RPS6KA2: variants seen among roughly 807,000 people sequenced by gnomAD.
RPS6KA2 encodes ribosomal protein S6 kinase A2.
A neutral mutation model predicts 91.8 loss-of-function variants in RPS6KA2; 42 were observed. The ratio of observed to expected loss-of-function variants is 0.46; its 90% confidence interval spans 0.36 to 0.59. The LOEUF (loss-of-function observed/expected upper bound fraction) is 0.59. Ranked by LOEUF, RPS6KA2 falls within the 20% of genes least tolerant of loss-of-function variation. RPS6KA2 has a pLI of 0.00. For missense variants in RPS6KA2, 798 were observed against 978.5 expected (o/e 0.82, Z 2.46); for synonymous variants, 414 against 393.6 (o/e 1.05, Z -0.61).
At chr6:166,813,745 G>T (rs926364767) in intron 2 of RPS6KA2, among the ~76,000 whole-genome samples, 1 of 152,142 alleles carries the variant, frequency 6.6e-6, no homozygotes, top group African/African-American at 2.4e-5. Context: ...CTCTTCTAAG[G>T]ATGCCAGTCA....
chr6:166,636,739 C>T (rs1203658568), intron 2 of RPS6KA2, among the ~76,000 whole-genome samples: 1 of 152,130 alleles, frequency 6.6e-6, no homozygotes, highest in Non-Finnish European at 1.5e-5. Context: ...CATTGGGGAA[C>T]GAGGCCAGGA....
chr6:166,589,865 C>G (rs1785300996), intron 1 of RPS6KA2, among the ~76,000 whole-genome samples: 1 of 152,158 alleles, frequency 6.6e-6, no homozygotes, highest in Admixed American at 6.5e-5. Flanking sequence ...GTGGCATGAA[C>G]AGAATGGAGA....
In RPS6KA2 at chr6:166,682,134, AAT is replaced by A. The variant is rs1237852422; in HGVS notation, c.124-143352_124-143351del. Among the ~76,000 whole-genome samples the A allele has an allele frequency of 2.0e-5, 3 of 152,216 alleles. No homozygotes were observed. In the East Asian group the frequency reaches 5.8e-4, roughly 29 times the overall value. On this transcript the variant is annotated intron_variant, in intron 2 of 21. Coordinates refer to the RPS6KA2 transcript ENST00000503859. The stretch of plus-strand genomic sequence containing the variant: ...ATTTACCCAAGGAATGTGATGTTGA[AAT>A]ATGTTTCAGAATAAACTTCCGCTTG...
intron 2 of RPS6KA2, among the ~76,000 whole-genome samples, chr6:166,669,551 G>C (rs1349901219): frequency 1.3e-5 from 2 of 152,138 alleles, no homozygotes; most frequent in Non-Finnish European, 2.9e-5. Flanking sequence ...TTGAGTGCTG[G>C]AATTGCACGG....
intron 2 of RPS6KA2, among the ~76,000 whole-genome samples, chr6:166,714,113 G>C (rs1789945581): frequency 6.6e-6 from 1 of 152,194 alleles, no homozygotes; most frequent in South Asian, 2.1e-4. Context: ...ATTCCTTCCT[G>C]TGACTTCGAG....
At chr6:166,823,986 A>G (rs879260134) in intron 2 of RPS6KA2, among the ~76,000 whole-genome samples, 3 of 152,162 alleles carry the variant, frequency 2.0e-5, no homozygotes, top group Non-Finnish European at 2.9e-5. Context: ...TCAAAAGTTT[A>G]TGCTCTCCAT....
intron 2 of RPS6KA2, among the ~76,000 whole-genome samples, chr6:166,669,850 T>G (rs935410151): frequency 1.3e-5 from 2 of 152,218 alleles, no homozygotes; most frequent in African/African-American, 2.4e-5. Context: ...GGCCAGGGCC[T>G]ATGGGGAGAC....
At chr6:166,628,152 C>A (rs1046229486), upstream of RPS6KA2, among the ~76,000 whole-genome samples, 2 of 152,238 alleles carry the variant, frequency 1.3e-5, no homozygotes, top group Non-Finnish European at 2.9e-5. Flanking sequence ...AGGGCAAGGC[C>A]CTCAGACCCG....
chr6:166,562,056 G>A (rs1784361588), intron 1 of RPS6KA2, among the ~76,000 whole-genome samples: 1 of 152,164 alleles, frequency 6.6e-6, no homozygotes, highest in Non-Finnish European at 1.5e-5. Context: ...TCTGGGGAGG[G>A]AGGAACACAG....
At chr6:166,754,410 C>T (rs1041449241) in intron 2 of RPS6KA2, among the ~76,000 whole-genome samples, 10 of 152,182 alleles carry the variant, frequency 6.6e-5, no homozygotes, top group Non-Finnish European at 1.2e-4. Context: ...AGGGGCCTTT[C>T]ACGTGGCTTC....
rs540507726 is a variant in RPS6KA2 at position 166,713,897 on chromosome 6, G to A, written c.123+144303C>T. On this transcript the variant is annotated intron_variant, in intron 2 of 21. Coordinates refer to the RPS6KA2 transcript ENST00000503859. The stretch of plus-strand genomic sequence containing the variant: ...TGTTAGTGCGCCCCTCATAGTCAGC[G>A]GTCACCACACCCTGTCACCCACGTT... 7.9e-5 allele frequency among the ~76,000 whole-genome samples: 12 copies of A among 152,218 alleles called. No individual in the cohort carries two copies. In the South Asian group the frequency reaches 2.1e-3, roughly 26 times the overall value.
At chr6:166,638,786 T>C (rs1014949109) in intron 2 of RPS6KA2, among the ~76,000 whole-genome samples, 5 of 152,140 alleles carry the variant, frequency 3.3e-5, no homozygotes, top group African/African-American at 1.2e-4. Context: ...ATCTCGTGGG[T>C]TGAGGCCGGG....
At chr6:166,571,101 C>T (rs989291924) in intron 1 of RPS6KA2, among the ~76,000 whole-genome samples, 3 of 152,222 alleles carry the variant, frequency 2.0e-5, no homozygotes, top group Non-Finnish European at 4.4e-5. Context: ...TGAGGACGCA[C>T]CCCAGGACCG....
chr6:166,853,591 C>T (rs1021788314), intron 2 of RPS6KA2, among the ~76,000 whole-genome samples: 1 of 150,206 alleles, frequency 6.7e-6, no homozygotes, highest in Admixed American at 6.6e-5. Context: ...CGAGCGCAGC[C>T]GCCGCCACGT....
intron 8 of RPS6KA2, among the ~76,000 whole-genome samples, chr6:166,496,049 G>A (rs1295107457): frequency 6.6e-6 from 1 of 152,090 alleles, no homozygotes; most frequent in Non-Finnish European, 1.5e-5. Context: ...TTTTCGGTTT[G>A]CAGTGATTAA....
intron 1 of RPS6KA2, among the ~76,000 whole-genome samples, chr6:166,579,520 T>C (rs1298413116): frequency 1.3e-5 from 2 of 152,186 alleles, no homozygotes; most frequent in African/African-American, 4.8e-5. Flanking sequence ...GGGTTATATT[T>C]AAACAAAATT....
At chr6:166,754,657 T>C (rs1037409515) in intron 2 of RPS6KA2, among the ~76,000 whole-genome samples, 1 of 152,058 alleles carries the variant, frequency 6.6e-6, no homozygotes, top group African/African-American at 2.4e-5. Context: ...TGTCTGGGAA[T>C]TAGAAACCCT....
rs1785835633 is a variant in RPS6KA2 at position 166,603,683 on chromosome 6, A to T, written c.99+23238T>A. On this transcript the variant is annotated intron_variant, in intron 1 of 20. Transcript: ENST00000265678. The surrounding 1 kb of genome is among the most constrained non-coding windows in gnomAD (Gnocchi z 4.3). ...GAACATGGCTGGCACATTCCGGGTG[A>T]TCTAAGGCTCAAGTTAGACAAAGTT... Among the ~76,000 whole-genome samples the T allele has an allele frequency of 6.6e-6, 1 of 152,172 alleles. No homozygotes were observed. The highest frequency in any genetic ancestry group is 1.5e-5 in the Non-Finnish European group (1 of 68,034).
chr6:166,806,385 G>A (rs1268369636), intron 2 of RPS6KA2, among the ~76,000 whole-genome samples: 1 of 152,144 alleles, frequency 6.6e-6, no homozygotes, highest in Non-Finnish European at 1.5e-5. Flanking sequence ...AAAGAGAAGT[G>A]ACTCATCACA....
Sources: gnomAD v4.1 joint callset for allele counts (sites outside exome capture counted in the v4.1 genomes callset) on GRCh38, gnomAD v4.1.1 for gene constraint, Gnocchi (gnomAD v3.1) non-coding constraint, MANE v1.5 for transcripts, NCBI Gene and HGNC (gene_info 2026-07-23, HGNC 2026-07-21) for gene names.